Variants in TBCD observed in about 807,000 individuals in gnomAD.
TBCD encodes the protein tubulin folding cofactor D, also known as tubulin-specific chaperone D.
Under a neutral mutation model 169.3 loss-of-function variants are expected in TBCD, and 105 were observed. The ratio of observed to expected loss-of-function variants is 0.62; its 90% CI spans 0.53 to 0.73. The LOEUF is 0.73. TBCD is among the 30% of genes least tolerant of loss of function. The probability of loss-of-function intolerance (pLI) is 0.00; values close to 1 mark genes in which losing one functional copy is unlikely to be tolerated. For missense variants in TBCD, 1,444 were observed against 1,600.1 expected (o/e 0.90, Z 1.66); for synonymous variants, 700 against 643.9 (o/e 1.09, Z -1.32).
chr17:82,916,216 G>A (rs575532012), intron 23 of TBCD, among the ~76,000 whole-genome samples: 3 of 151,866 alleles, frequency 2.0e-5, no homozygotes, highest in Admixed American at 6.6e-5. Context: ...GCACCCTCTC[G>A]TTTGTTTATA....
chr17:82,818,249 G>A (rs969442697), intron 13 of TBCD, among the ~76,000 whole-genome samples: 2 of 152,210 alleles, frequency 1.3e-5, no homozygotes, highest in Non-Finnish European at 1.5e-5. Context: ...CATGTGAGCT[G>A]AACCCTCTTT....
Position 82,939,408 on chromosome 17 carries a change from C to T in TBCD, c.3411C>T (p.Leu1137=). The change falls in exon 37 of 39, where the codon CTC becomes CTT. Residue 1137 remains leucine, a synonymous_variant. Transcript: ENST00000355528. Reference sequence around the variant, plus strand: ...CCAGCCAGGTGTACGAGACATTGCTCACCTACAGTGACGTCGTGGGCGCGG... The same window carrying T: ...CCAGCCAGGTGTACGAGACATTGCTTACCTACAGTGACGTCGTGGGCGCGG... The part of the protein sequence containing the change: ...TTASQVYETL[L]TYSDVVGADV... 6.2e-7 allele frequency: 1 copy of T among 1,613,500 alleles called. No homozygotes were observed. The highest frequency in any genetic ancestry group is 1.1e-5 in the South Asian group (1 of 90,974).
intron 18 of TBCD, among the ~76,000 whole-genome samples, chr17:82,901,601 C>T (rs74000198): frequency 0.011 from 1,634 of 149,596 alleles, 23 homozygotes; most frequent in African/African-American, 0.038. Flanking sequence ...GCCTGGGGAG[C>T]GGCCCAGCTG....
chr17:82,809,180 G>A (rs1417993216), intron 11 of TBCD, among the ~76,000 whole-genome samples: 1 of 152,062 alleles, frequency 6.6e-6, no homozygotes, highest in Non-Finnish European at 1.5e-5. Flanking sequence ...TGAGAGGCTG[G>A]GCAGGCCTTC....
At chr17:82,779,691 G>C (rs778169105) in intron 6 of TBCD, among the ~76,000 whole-genome samples, 1 of 152,208 alleles carries the variant, frequency 6.6e-6, no homozygotes, top group Admixed American at 6.5e-5. Flanking sequence ...CGGCTCTCGC[G>C]CAGGCCAACT....
chr17:82,932,644 C>G lies in TBCD; in HGVS notation c.3114-14C>G. Reference sequence around the variant, plus strand: ...TGCTGGTGTCCAGGGTCTCACAGCTCCTTCTCCCCTCAGGGTGTCCGTGCC... The same window carrying G: ...TGCTGGTGTCCAGGGTCTCACAGCTGCTTCTCCCCTCAGGGTGTCCGTGCC... On this transcript the variant is annotated splice_polypyrimidine_tract_variant and intron_variant, in intron 33 of 38. Coordinates refer to ENST00000355528, the MANE Select transcript of TBCD (RefSeq NM_005993.5). 5.6e-6 allele frequency: 9 copies of G among 1,611,526 alleles called. No individual in the cohort carries two copies. The highest frequency in any genetic ancestry group is 6.8e-6 in the Non-Finnish European group (8 of 1,179,232).
chr17:82,893,796 TTG>T (rs1346554039), intron 17 of TBCD, among the ~76,000 whole-genome samples, 164 bp downstream of exon 17: 1 of 152,226 alleles, frequency 6.6e-6, no homozygotes, highest in Non-Finnish European at 1.5e-5. Context: ...TGACTGAAAC[TTG>T]TGTTTCATGT....
At chr17:82,849,326 T>C (rs554896940) in intron 13 of TBCD, among the ~76,000 whole-genome samples, 1 of 152,344 alleles carries the variant, frequency 6.6e-6, no homozygotes, top group South Asian at 2.1e-4. Flanking sequence ...GTCTGCTGCG[T>C]CGGGGCTGCC....
At chr17:82,860,710 G>C (rs1225162185) in intron 13 of TBCD, among the ~76,000 whole-genome samples, 1 of 152,186 alleles carries the variant, frequency 6.6e-6, no homozygotes, top group Non-Finnish European at 1.5e-5. Context: ...CAGGCACCAT[G>C]GGTCTCCCTG....
rs181315437 is a variant in TBCD at position 82,916,351 on chromosome 17, T to C, written c.2039-4205T>C. On this transcript the variant is annotated intron_variant, in intron 23 of 38. Coordinates refer to ENST00000355528, the MANE Select transcript of TBCD (RefSeq NM_005993.5). ...CCTCCATCTCCCAGGTTCAAGTGTT[T>C]CTCCCGCCTCAGCCTCCCGAGTAGC... Among the ~76,000 whole-genome samples the C allele has an allele frequency of 9.9e-5, 15 of 152,282 alleles. No homozygotes were observed. In the East Asian group the frequency reaches 2.7e-3, roughly 27 times the overall value.
At chr17:82,839,300 T>C (rs1417377403) in intron 13 of TBCD, among the ~76,000 whole-genome samples, 1 of 151,930 alleles carries the variant, frequency 6.6e-6, no homozygotes, top group Non-Finnish European at 1.5e-5. Context: ...GATGTACTTA[T>C]ACCACACATA....
rs1598814292 is a variant in TBCD at position 82,835,761 on chromosome 17, C to T, written c.1318+20827C>T. On this transcript the variant is annotated intron_variant, in intron 13 of 38. Transcript: ENST00000355528. The surrounding 1 kb of genome is among the most constrained non-coding windows in gnomAD (Gnocchi z 4.5). Reference sequence around the variant, plus strand: ...AATTCTTAAAAACACAACCACCCTTCCCCCTACAAACTGCCTCTATTAACA... The same window carrying T: ...AATTCTTAAAAACACAACCACCCTTTCCCCTACAAACTGCCTCTATTAACA... Among the ~76,000 whole-genome samples the T allele has an allele frequency of 3.9e-5, 6 of 152,322 alleles. 2 individuals carry two copies. The highest frequency in any genetic ancestry group is 3.9e-4 in the Admixed American group (6 of 15,300).
intron 14 of TBCD, among the ~76,000 whole-genome samples, chr17:82,881,154 T>C (rs2058326765): frequency 6.6e-6 from 1 of 152,182 alleles, no homozygotes; most frequent in African/African-American, 2.4e-5. Flanking sequence ...CACCTGGGCT[T>C]GCTGCTGTGG....
rs550112738 is a variant in TBCD at position 82,888,675 on chromosome 17, C to T, written c.1534-993C>T. Among the ~76,000 whole-genome samples the T allele has an allele frequency of 9.2e-5, 14 of 152,312 alleles. No homozygotes were observed. In the South Asian group the frequency reaches 2.3e-3, roughly 25 times the overall value. Reference sequence around the variant, plus strand: ...TGTGATTGGCCAGAGGTGGTGGGCGCGTCTGCTCCTTTTCCCTGGGGGGTG... The same window carrying T: ...TGTGATTGGCCAGAGGTGGTGGGCGTGTCTGCTCCTTTTCCCTGGGGGGTG... On this transcript the variant is annotated intron_variant, in intron 15 of 38. Coordinates refer to ENST00000355528, the MANE Select transcript of TBCD (RefSeq NM_005993.5).
At position 82,752,236 on chromosome 17, in the gene TBCD, G is replaced by A; in HGVS notation, c.43G>A (p.Glu15Lys). The change falls in exon 1 of 39, where the codon GAG becomes AAG. Residue 15 changes from glutamate (E) to lysine (K), a missense_variant. Glu to Lys is a moderately conservative substitution (Grantham distance 56). Transcript: ENST00000355528. ...DEPAAGGPEE[E>K]AEDETLAFGA... Reference sequence around the variant, plus strand: ...ACCGGCCGCGGGCGGCCCCGAGGAGGAGGCGGAGGACGAGACACTGGCCTT... The same window carrying A: ...ACCGGCCGCGGGCGGCCCCGAGGAGAAGGCGGAGGACGAGACACTGGCCTT... 6.6e-7 allele frequency: 1 copy of A among 1,526,504 alleles called. No individual in the cohort carries two copies. Among genetic ancestry groups the A allele is most frequent in the East Asian group, 2.6e-5 (1 of 37,992 alleles). The allele number at this position is 1,526,504 out of a possible 1,614,324, so 94.6% of individuals were successfully genotyped here.
chr17:82,855,264 TTTTTTTTA>T (rs2056171426), intron 13 of TBCD, among the ~76,000 whole-genome samples: 39 of 89,960 alleles, frequency 4.3e-4, no homozygotes, highest in Admixed American at 1.1e-3. Flanking sequence ...TTTTTTTTTT[TTTTTTTTA>T]ATTTTTTAGA....
chr17:82,824,359 A>T (rs2052664197), intron 13 of TBCD, among the ~76,000 whole-genome samples: 1 of 151,472 alleles, frequency 6.6e-6, no homozygotes, highest in Non-Finnish European at 1.5e-5. Context: ...TTCGTTTTGT[A>T]TTTTTAGTAG....
intron 13 of TBCD, chr17:82,838,991 A>G (rs1185281076): frequency 5.1e-6 from 5 of 984,962 alleles, no homozygotes; most frequent in Non-Finnish European, 4.8e-6. Flanking sequence ...AATCAAGTTT[A>G]TGAGAAATTT....
At chr17:82,867,850 C>T (rs188072881) in intron 13 of TBCD, among the ~76,000 whole-genome samples, 135 of 152,374 alleles carry the variant, frequency 8.9e-4, no homozygotes, top group Middle Eastern at 6.8e-3. Context: ...GATGGCAGCC[C>T]TGGCCTTTAC....
Sources: gnomAD v4.1 joint callset for allele counts (sites outside exome capture counted in the v4.1 genomes callset) on GRCh38, gnomAD v4.1.1 for gene constraint, Gnocchi (gnomAD v3.1) non-coding constraint, MANE v1.5 for transcripts, NCBI Gene and HGNC (gene_info 2026-07-23, HGNC 2026-07-21) for gene names.